ANKRD62: variants seen among roughly 807,000 people sequenced by gnomAD.
ANKRD62 encodes the protein ankyrin repeat domain 62, also known as ankyrin repeat domain-containing protein 62.
In ANKRD62, 61 loss-of-function variants were observed where a neutral mutation model predicts 98.8. The ratio of observed to expected loss-of-function variants is 0.62; its 90% CI spans 0.50 to 0.76. The LOEUF is 0.76. Among genes scored for constraint, ANKRD62 ranks in the 30% least tolerant of loss-of-function variants. The pLI is 0.00. For missense variants in ANKRD62, 933 were observed against 1,082.9 expected (o/e 0.86, Z 1.94); for synonymous variants, 341 against 367.9 (o/e 0.93, Z 0.84).
chr18:12,115,542 C>A lies in ANKRD62; in HGVS notation c.1240+8C>A, dbSNP rs767169670. ...GTGGAATGGAGTGTAAAGGTAGGAC[C>A]AATGCATAAATATAAGGCTCTTTCC... On this transcript the variant is annotated splice_region_variant and intron_variant, in intron 10 of 13. Coordinates refer to ENST00000587848, the MANE Select transcript of ANKRD62 (RefSeq NM_001277333.2). 4.6e-6 allele frequency: 7 copies of A among 1,530,934 alleles called. No homozygotes were observed. In the African/African-American group the frequency reaches 8.3e-5, roughly 18 times the overall value. 94.8% of individuals were successfully genotyped at this position (1,530,934 alleles called of 1,614,324 possible). A position where few individuals can be genotyped will look rare whatever the true frequency, so the allele number is the denominator to read the frequency against.
At chr18:12,104,553 G>T (rs946220476) in intron 7 of ANKRD62, among the ~76,000 whole-genome samples, 2 of 152,082 alleles carry the variant, frequency 1.3e-5, no homozygotes, top group African/African-American at 4.8e-5. Flanking sequence ...CAAGACAAAT[G>T]AGGTGGAAAA....
At chr18:12,102,239 G>A (rs1316720273) in intron 6 of ANKRD62, 1 of 779,908 alleles carries the variant, frequency 1.3e-6, no homozygotes. Context: ...CTGGAAGCAG[G>A]CCCAGGAGCA....
chr18:12,152,110 T>C, the ANKRD62 span, among the ~76,000 whole-genome samples: 1 of 132,166 alleles, frequency 7.6e-6, no homozygotes, highest in African/African-American at 2.9e-5. Flanking sequence ...CAGGACCCGA[T>C]GGATTCACAG....
chr18:12,125,383 A>ACT (rs1909866060), intron 12 of ANKRD62, 77 bp from the exon 13 acceptor site: 2 of 1,311,964 alleles, frequency 1.5e-6, no homozygotes, highest in Non-Finnish European at 2.0e-6. Flanking sequence ...ACAGGTTATT[A>ACT]CTTATTTAGT....
the ANKRD62 span, among the ~76,000 whole-genome samples, chr18:12,170,880 T>C: frequency 6.6e-6 from 1 of 152,202 alleles, no homozygotes; most frequent in Admixed American, 6.5e-5. Flanking sequence ...TTTACCATTA[T>C]GTAATGGCCT....
At chr18:12,112,782 C>T (rs1017931456) in intron 8 of ANKRD62, among the ~76,000 whole-genome samples, 5 of 152,208 alleles carry the variant, frequency 3.3e-5, no homozygotes, top group African/African-American at 1.2e-4. Flanking sequence ...AGACGACCTC[C>T]ACAAGGGAAG....
the ANKRD62 span, among the ~76,000 whole-genome samples, chr18:12,163,857 A>G: frequency 6.6e-6 from 1 of 152,172 alleles, no homozygotes; most frequent in South Asian, 2.1e-4. Flanking sequence ...CATCCCTGGG[A>G]TAAATTTCAC....
chr18:12,178,583 T>C, the ANKRD62 span, among the ~76,000 whole-genome samples: 11 of 149,048 alleles, frequency 7.4e-5, no homozygotes, highest in South Asian at 2.2e-4. Context: ...TATGCATATA[T>C]GTAAGTAAAT....
chr18:12,172,541 G>T, the ANKRD62 span, among the ~76,000 whole-genome samples: 7 of 152,210 alleles, frequency 4.6e-5, no homozygotes, highest in African/African-American at 1.4e-4. Flanking sequence ...CCCCTACTGG[G>T]AGGTGCCTCT....
intron 5 of ANKRD62, among the ~76,000 whole-genome samples, chr18:12,098,784 A>G (rs1909238332): frequency 6.6e-6 from 1 of 152,188 alleles, no homozygotes; most frequent in African/African-American, 2.4e-5. Context: ...CTTCAAAAAT[A>G]TGAGGGTTTT....
the ANKRD62 span, among the ~76,000 whole-genome samples, chr18:12,157,646 C>T: frequency 5.9e-5 from 9 of 152,150 alleles, no homozygotes; most frequent in Non-Finnish European, 1.2e-4. Flanking sequence ...GATTCTGCCT[C>T]GCTTTCTATT....
chr18:12,097,173 C>T (rs568868159), intron 4 of ANKRD62, among the ~76,000 whole-genome samples: 21 of 152,178 alleles, frequency 1.4e-4, no homozygotes, highest in African/African-American at 4.6e-4. Flanking sequence ...TCCAGTGCCT[C>T]GCATATGATT....
chr18:12,111,424 G>A (rs542557149), intron 8 of ANKRD62, among the ~76,000 whole-genome samples: 10 of 152,128 alleles, frequency 6.6e-5, no homozygotes, highest in East Asian at 1.9e-4. Flanking sequence ...AATAAGAGCC[G>A]TATATGACAA....
At chr18:12,095,104 G>A (rs1000985215) in intron 1 of ANKRD62, 67 bp from the exon 2 acceptor site, 8 of 1,081,216 alleles carry the variant, frequency 7.4e-6, no homozygotes, top group African/African-American at 1.6e-5. Flanking sequence ...GTTTACAATT[G>A]CATGCGTCGT....
chr18:12,097,996 A>T (rs1015751680), intron 5 of ANKRD62, among the ~76,000 whole-genome samples: 1 of 152,196 alleles, frequency 6.6e-6, no homozygotes, highest in African/African-American at 2.4e-5. Context: ...TAAGACTTCT[A>T]TGCTTAGTTA....
At chr18:12,133,071 TC>T (rs1910029725), downstream of ANKRD62, among the ~76,000 whole-genome samples, 1 of 152,166 alleles carries the variant, frequency 6.6e-6, no homozygotes, top group Non-Finnish European at 1.5e-5. Context: ...TTAAATATCT[TC>T]CTATAATCCT....
At chr18:12,106,309 G>A (rs1909412437) in intron 7 of ANKRD62, among the ~76,000 whole-genome samples, 2 of 152,086 alleles carry the variant, frequency 1.3e-5, no homozygotes. Flanking sequence ...TTTAGTATTT[G>A]ACTCCAAAGT....
At position 12,097,110 on chromosome 18, in the gene ANKRD62, A is replaced by G. The variant is rs142441484; in HGVS notation, c.615-530A>G. Among the ~76,000 whole-genome samples, 16 of 152,294 alleles carry G rather than the reference A, an allele frequency of 1.1e-4. No individual in the cohort carries two copies. The East Asian group carries it at 2.1e-3, about 20-fold the overall frequency. On this transcript the variant is annotated intron_variant, in intron 4 of 13. Coordinates refer to ENST00000587848, the MANE Select transcript of ANKRD62 (RefSeq NM_001277333.2). ...CTTTATGAAACAAGAGGATAATAAT[A>G]TATCCTTCCAGGGTGGTTGTGTATA...
the ANKRD62 span, among the ~76,000 whole-genome samples, chr18:12,151,482 T>G: frequency 2.6e-5 from 4 of 152,302 alleles, no homozygotes; most frequent in African/African-American, 9.6e-5. Context: ...ATATGCATTC[T>G]CTCATCACCA....
Sources: gnomAD v4.1 joint callset for allele counts (sites outside exome capture counted in the v4.1 genomes callset) on GRCh38, gnomAD v4.1.1 for gene constraint, MANE v1.5 for transcripts, NCBI Gene and HGNC (gene_info 2026-07-23, HGNC 2026-07-21) for gene names.